The following STPG4 variants were observed in gnomAD, a reference collection of about 807,000 sequenced individuals.
STPG4 encodes protein STPG4.
Under a neutral mutation model 31.5 loss-of-function variants are expected in STPG4, and 41 were observed. The observed-to-expected ratio is 1.30, with a 90% confidence interval of 1.01 to 1.69. The LOEUF is 1.69. STPG4 is among the 40% of genes most tolerant of loss of function. The pLI is 0.00. For synonymous variants in STPG4, 141 were observed against 103.0 expected (o/e 1.37, Z -2.24); for missense variants, 375 against 293.4 (o/e 1.28, Z -2.03).
At chr2:47,105,721 G>A (rs992832029) in intron 5 of STPG4, among the ~76,000 whole-genome samples, 2 of 152,024 alleles carry the variant, frequency 1.3e-5, no homozygotes, top group Non-Finnish European at 2.9e-5. Context: ...TCTTCCCCCA[G>A]GGACCAGTGC....
intron 5 of STPG4, among the ~76,000 whole-genome samples, chr2:47,112,480 G>C (rs1283802861): frequency 6.6e-6 from 1 of 152,052 alleles, no homozygotes; most frequent in South Asian, 2.1e-4. Flanking sequence ...TAACCTTTGA[G>C]ATTGTATGTA....
At chr2:47,125,723 A>AG (rs1338911456) in intron 5 of STPG4, among the ~76,000 whole-genome samples, 100 of 68,640 alleles carry the variant, frequency 1.5e-3, no homozygotes, top group Admixed American at 8.2e-3. Context: ...TCTTAGATTT[A>AG]ATTTTTTTTT....
At chr2:47,118,599 G>C (rs1686198729) in intron 5 of STPG4, among the ~76,000 whole-genome samples, 1 of 152,088 alleles carries the variant, frequency 6.6e-6, no homozygotes, top group African/African-American at 2.4e-5. Flanking sequence ...AAAAGGTTGG[G>C]GACCGCTGCA....
At chr2:47,150,525 A>G (rs1430435798) in intron 3 of STPG4, among the ~76,000 whole-genome samples, 1 of 151,832 alleles carries the variant, frequency 6.6e-6, no homozygotes, top group Non-Finnish European at 1.5e-5. Context: ...ATTAAAAAAA[A>G]TATTTTTAGA....
chr2:47,142,997 A>G (rs1329120265), intron 3 of STPG4, among the ~76,000 whole-genome samples: 2 of 151,338 alleles, frequency 1.3e-5, no homozygotes, highest in African/African-American at 2.4e-5. Flanking sequence ...GCCACCACAC[A>G]TGGCTAATTT....
intron 5 of STPG4, among the ~76,000 whole-genome samples, chr2:47,110,733 T>C (rs1686016725): frequency 6.6e-6 from 1 of 152,256 alleles, no homozygotes; most frequent in South Asian, 2.1e-4. Flanking sequence ...ACACATGATT[T>C]TTCTGACATT....
intron 3 of STPG4, among the ~76,000 whole-genome samples, chr2:47,141,889 G>A (rs778177541): frequency 6.1e-5 from 9 of 148,284 alleles, no homozygotes; most frequent in African/African-American, 2.0e-4. Context: ...TACATTCGGC[G>A]GGAGGATTCT....
rs533820867 is a variant in STPG4, at chr2:47,103,702, G to A, written c.520-13328C>T. Among the ~76,000 whole-genome samples the A allele has an allele frequency of 4.6e-5, 7 of 152,090 alleles. No homozygotes were observed. The East Asian group carries it at 1.2e-3, about 25-fold the overall frequency. On this transcript the variant is annotated intron_variant, in intron 5 of 6. Transcript: ENST00000445927. ...CACTATGCCGAGGCAATCACTGGAA[G>A]GTGCACTGCCCAGAGGATGAAGGTT...
chr2:47,119,558 A>T (rs763495835), intron 5 of STPG4, among the ~76,000 whole-genome samples: 1 of 152,242 alleles, frequency 6.6e-6, no homozygotes, highest in Non-Finnish European at 1.5e-5. Flanking sequence ...CATGCATTTC[A>T]AAGGAAATAC....
intron 6 of STPG4, among the ~76,000 whole-genome samples, chr2:47,088,193 C>T (rs935658996): frequency 6.6e-6 from 1 of 152,152 alleles, no homozygotes; most frequent in Admixed American, 6.5e-5. Context: ...GATTCTCATG[C>T]CTCAGCCACC....
intron 5 of STPG4, among the ~76,000 whole-genome samples, chr2:47,095,306 A>G (rs1685647781): frequency 6.6e-6 from 1 of 152,184 alleles, no homozygotes; most frequent in South Asian, 2.1e-4. Context: ...GTCCTTTATT[A>G]AAAGGGGAAA....
chr2:47,147,857 A>G (rs1686856175), intron 3 of STPG4, among the ~76,000 whole-genome samples: 1 of 152,220 alleles, frequency 6.6e-6, no homozygotes, highest in Non-Finnish European at 1.5e-5. Context: ...GTTATTAGAA[A>G]AATTACAGAG....
At chr2:47,109,299 G>A (rs1407258973) in intron 5 of STPG4, among the ~76,000 whole-genome samples, 2 of 152,342 alleles carry the variant, frequency 1.3e-5, no homozygotes, top group South Asian at 2.1e-4. Context: ...GCTTATGCCT[G>A]TAATCCCCAC....
At chr2:47,152,348 T>C (rs1308157422) in intron 2 of STPG4, among the ~76,000 whole-genome samples, 4 of 152,364 alleles carry the variant, frequency 2.6e-5, no homozygotes, top group South Asian at 2.1e-4. Flanking sequence ...ATGGCCAGAA[T>C]TGAACGTTTA....
chr2:47,094,044 G>C (rs1228649999), intron 5 of STPG4, among the ~76,000 whole-genome samples: 1 of 152,168 alleles, frequency 6.6e-6, no homozygotes, highest in Non-Finnish European at 1.5e-5. Context: ...TTTGAACCAT[G>C]TTCTCCTCTT....
rs1491090707 is a variant in STPG4 at position 47,117,930 on chromosome 2, A to ATATATATAT, written c.519+12010_519+12011insATATATATA. On this transcript the variant is annotated intron_variant, in intron 5 of 6. Transcript: ENST00000445927. ...GATAGTACAACATATATATATATATATTTTTTTTTTAATAGAGATGAGGTC... is the reference window on the plus strand; with the variant it reads ...GATAGTACAACATATATATATATATATATATATATTTTTTTTTTTAATAGAGATGAGGTC... Among the ~76,000 whole-genome samples, 658 of 117,528 alleles carry ATATATATAT rather than the reference A, an allele frequency of 5.6e-3. 5 individuals carry two copies. Among genetic ancestry groups the ATATATATAT allele is most frequent in the African/African-American group, 0.024 (627 of 26,282 alleles). The allele number at this position is 117,528 out of a possible 152,430, so 77.1% of individuals were successfully genotyped here.
At chr2:47,134,037 CATACAT>C (rs144008683) in intron 3 of STPG4, among the ~76,000 whole-genome samples, 22 of 151,656 alleles carry the variant, frequency 1.5e-4, no homozygotes, top group South Asian at 4.2e-4. Context: ...TACATATACA[CATACAT>C]ATACATATAC....
chr2:47,141,719 C>G (rs955203831), intron 3 of STPG4, among the ~76,000 whole-genome samples: 6 of 151,980 alleles, frequency 3.9e-5, no homozygotes, highest in African/African-American at 1.2e-4. Context: ...TGGCACCCTT[C>G]CTATGGTTTA....
chr2:47,147,421 G>A (rs1686845519), intron 3 of STPG4, among the ~76,000 whole-genome samples: 1 of 152,208 alleles, frequency 6.6e-6, no homozygotes, highest in Non-Finnish European at 1.5e-5. Context: ...AGGGAGTTGA[G>A]AGGTAGCGAA....
Sources: gnomAD v4.1 joint callset for allele counts (sites outside exome capture counted in the v4.1 genomes callset) on GRCh38, gnomAD v4.1.1 for gene constraint, MANE v1.5 for transcripts, NCBI Gene and HGNC (gene_info 2026-07-23, HGNC 2026-07-21) for gene names.